Variants in FLT4 observed in about 807,000 individuals in gnomAD.
FLT4 encodes vascular endothelial growth factor receptor 3.
FLT4 carries 30 observed loss-of-function variants against 163.2 expected under a neutral mutation model. The observed-to-expected ratio is 0.18, with a 90% CI of 0.14 to 0.25. FLT4 has a LOEUF of 0.25. FLT4 is among the 10% of genes least tolerant of loss of function. FLT4 has a pLI of 1.00. For synonymous variants in FLT4, 884 were observed against 789.5 expected (o/e 1.12, Z -2.01); for missense variants, 1,510 against 1,863.8 (o/e 0.81, Z 3.50).
chr5:180,604,116 C>G (rs1006354850), intron 29 of FLT4, among the ~76,000 whole-genome samples: 1 of 152,192 alleles, frequency 6.6e-6, no homozygotes, highest in Non-Finnish European at 1.5e-5. Context: ...AAAACACACA[C>G]AGACTCGACT....
At chr5:180,607,165 A>G (rs1262601935) in intron 29 of FLT4, among the ~76,000 whole-genome samples, 1 of 152,242 alleles carries the variant, frequency 6.6e-6, no homozygotes, top group East Asian at 1.9e-4. Flanking sequence ...AAAAGTTTCA[A>G]CATTCAAAAT....
rs1764068278 is a variant in FLT4, at chr5:180,630,901, C to T, written c.156-102G>A. 9 of 1,397,468 alleles carry T rather than the reference C, an allele frequency of 6.4e-6. No individual in the cohort carries two copies. The highest frequency in any genetic ancestry group is 8.6e-6 in the Non-Finnish European group (9 of 1,047,614). 86.6% of individuals were successfully genotyped at this position (1,397,468 alleles called of 1,614,324 possible). The stretch of plus-strand genomic sequence containing the variant: ...CGAGCCTCACCAGGTTTGTCTTACC[C>T]AGAGCATGGAACTGCCCAGGGTTTG... On this transcript the variant is annotated intron_variant, in intron 2 of 29. Coordinates refer to ENST00000261937, the MANE Select transcript of FLT4 (RefSeq NM_182925.5). This position sits in a 1 kb window ranked among gnomAD's most constrained non-coding sequence, Gnocchi z 6.3.
intron 27 of FLT4, among the ~76,000 whole-genome samples, chr5:180,610,600 G>A (rs965509672): frequency 1.3e-5 from 2 of 152,186 alleles, no homozygotes; most frequent in Non-Finnish European, 2.9e-5. Context: ...AGAGTTCCGG[G>A]AATTAGGTTA....
chr5:180,615,238 C>A lies in FLT4; in HGVS notation c.3220-1059G>T, dbSNP rs577405025. On this transcript the variant is annotated intron_variant, in intron 23 of 29. Coordinates refer to ENST00000261937, the MANE Select transcript of FLT4 (RefSeq NM_182925.5). Reference sequence around the variant, plus strand: ...TCCACTTCCTTTTGGAGCACTGGGCCCCGCTGGTCAACTCCCATCTCCACT... The same window carrying A: ...TCCACTTCCTTTTGGAGCACTGGGCACCGCTGGTCAACTCCCATCTCCACT... Among the ~76,000 whole-genome samples, 6 of 116,376 alleles carry A rather than the reference C, an allele frequency of 5.2e-5. No homozygotes were observed. The East Asian group carries it at 9.9e-4, about 19-fold the overall frequency. The allele number at this position is 116,376 out of a possible 152,430, so 76.3% of individuals were successfully genotyped here.
At chr5:180,607,676 A>AT (rs1399848705) in intron 29 of FLT4, among the ~76,000 whole-genome samples, 1 of 148,128 alleles carries the variant, frequency 6.8e-6, no homozygotes, top group Non-Finnish European at 1.5e-5. Context: ...TATATATATA[A>AT]AATAAAGAAA....
chr5:180,639,620 G>T (rs1764951332), intron 1 of FLT4, among the ~76,000 whole-genome samples: 1 of 152,190 alleles, frequency 6.6e-6, no homozygotes, highest in South Asian at 2.1e-4. Flanking sequence ...TGGCTCAACA[G>T]ACCTCTGAAA....
chr5:180,629,803 T>C lies in FLT4; in HGVS notation c.709A>G (p.Arg237Gly). 6.2e-7 allele frequency: 1 copy of C among 1,612,606 alleles called. No homozygotes were observed. The highest frequency in any genetic ancestry group is 8.5e-7 in the Non-Finnish European group (1 of 1,179,874). The change falls in exon 6 of 30, where the codon AGG becomes GGG. Residue 237 changes from arginine (R) to glycine (G), a missense_variant. Transcript: ENST00000261937. ...CCTACCAGCAGCTCCAGCGACTTCC[T>C]GGGCAACAGCTGGATGTCATAGAGC... ...NELYDIQLLP[R>G]KSLELLVGEK... is the part of the protein sequence containing the mutation.
intron 27 of FLT4, among the ~76,000 whole-genome samples, 175 bp from the exon 28 acceptor site, chr5:180,610,200 G>A (rs1014875495): frequency 1.3e-5 from 2 of 152,220 alleles, no homozygotes; most frequent in African/African-American, 4.8e-5. Context: ...CCTGGCCTCA[G>A]ATGTCTACCC....
intron 12 of FLT4, 44 bp from the exon 13 acceptor site, chr5:180,621,948 T>C (rs760236292): frequency 6.2e-7 from 1 of 1,609,272 alleles, no homozygotes; most frequent in Non-Finnish European, 8.5e-7. Flanking sequence ...CCTGGGAGTT[T>C]GCTCCCCCAT....
At chr5:180,649,639 C>A (rs976793226), upstream of FLT4, 2 of 345,116 alleles carry the variant, frequency 5.8e-6, no homozygotes, top group African/African-American at 4.4e-5. Flanking sequence ...CGGGGCGGGG[C>A]GGGGCGGGGG....
At chr5:180,644,798 T>C (rs1393758873) in intron 1 of FLT4, among the ~76,000 whole-genome samples, 1 of 152,206 alleles carries the variant, frequency 6.6e-6, no homozygotes, top group Non-Finnish European at 1.5e-5. Context: ...CTCCATTTGG[T>C]AGAATTTAGA....
At chr5:180,604,145 G>A (rs138879030) in intron 29 of FLT4, among the ~76,000 whole-genome samples, 47 of 152,178 alleles carry the variant, frequency 3.1e-4, no homozygotes, top group African/African-American at 1.0e-3. Flanking sequence ...AAAGCGGATC[G>A]ATCTGATCCA....
At chr5:180,619,426 C>CCGCTTAGCTAAGGCACAG (rs1554112091) in intron 18 of FLT4, 60 bp from the exon 19 acceptor site, 1 of 1,390,156 alleles carries the variant, frequency 7.2e-7, no homozygotes, top group Non-Finnish European at 1.0e-6. Flanking sequence ...TTCCCCGCCA[C>CCGCTTAGCTAAGGCACAG]CCGGCGCTTT....
At chr5:180,606,913 AAACAAACAAAC>A (rs1561687733) in intron 29 of FLT4, among the ~76,000 whole-genome samples, 1 of 130,744 alleles carries the variant, frequency 7.6e-6, no homozygotes, top group African/African-American at 3.1e-5. Flanking sequence ...AAAAAAAAAA[AAACAAACAAAC>A]AAACTTAGCT....
intron 8 of FLT4, among the ~76,000 whole-genome samples, chr5:180,626,737 G>T (rs1347555250): frequency 6.6e-6 from 1 of 152,210 alleles, no homozygotes; most frequent in African/African-American, 2.4e-5. Context: ...AGGAGTGGAG[G>T]TGCAGTCCCT....
intron 26 of FLT4, 199 bp from the exon 27 acceptor site, chr5:180,611,678 CCTGAGATAGG>C (rs1762216252): frequency 1.6e-6 from 1 of 635,612 alleles, no homozygotes; most frequent in Non-Finnish European, 2.8e-6. Context: ...GCTCCTGACC[CCTGAGATAGG>C]GCCCTAACAG....
chr5:180,629,917 C>G (rs367771351), intron 5 of FLT4, 26 bp downstream of exon 5: 5 of 1,612,508 alleles, frequency 3.1e-6, no homozygotes, highest in Non-Finnish European at 4.2e-6. Context: ...AGCCCCGTTA[C>G]TGGGAACGGG....
chr5:180,612,444 G>C, intron 26 of FLT4, 62 bp downstream of exon 26: 1 of 1,250,826 alleles, frequency 8.0e-7, no homozygotes, highest in Non-Finnish European at 1.2e-6. Context: ...GGGGCAGCTC[G>C]GGCCAGGGAC....
intron 23 of FLT4, among the ~76,000 whole-genome samples, chr5:180,614,785 A>G (rs1380803179): frequency 6.6e-6 from 1 of 151,924 alleles, no homozygotes; most frequent in Non-Finnish European, 1.5e-5. Flanking sequence ...ACTGCAGACA[A>G]CCTGACACTT....
Sources: allele counts gnomAD v4.1 joint callset (sites outside exome capture counted in the v4.1 genomes callset), GRCh38; gene constraint gnomAD v4.1.1; non-coding constraint Gnocchi (gnomAD v3.1); transcripts MANE v1.5; gene names NCBI Gene and HGNC (gene_info 2026-07-23, HGNC 2026-07-21).